The following KANSL1 variants were observed in gnomAD, a reference collection of about 807,000 sequenced individuals.
KANSL1 encodes MLL1/MLL complex subunit KANSL1.
A neutral mutation model predicts 103.6 loss-of-function variants in KANSL1; 22 were observed. The observed-to-expected ratio is 0.21, with a 90% confidence interval of 0.15 to 0.30. KANSL1 has a LOEUF of 0.30. Among genes scored for constraint, KANSL1 ranks in the 10% least tolerant of loss-of-function variants. KANSL1 has a pLI of 1.00. For missense variants in KANSL1, 1,337 were observed against 1,399.8 expected, an observed-to-expected ratio of 0.96 and a Z score of 0.72; for synonymous variants, 600 against 527.6, an observed-to-expected ratio of 1.14 and a Z score of -1.88.
chr17:46,089,689 C>T (rs1381377506), intron 3 of KANSL1, among the ~76,000 whole-genome samples: 3 of 151,630 alleles, frequency 2.0e-5, no homozygotes, highest in Admixed American at 2.0e-4. Flanking sequence ...ATTTCAGTAA[C>T]TAAAAAAAAA....
chr17:46,083,010 T>C (rs2079039929), intron 3 of KANSL1, among the ~76,000 whole-genome samples: 1 of 152,210 alleles, frequency 6.6e-6, no homozygotes, highest in African/African-American at 2.4e-5. Flanking sequence ...AACAGTCCCC[T>C]ACAATTTATG....
At chr17:46,119,534 T>A (rs574000085) in intron 2 of KANSL1, among the ~76,000 whole-genome samples, 11 of 152,302 alleles carry the variant, frequency 7.2e-5, no homozygotes, top group African/African-American at 2.2e-4. Context: ...CTCAAACTCC[T>A]GACCTCAAGA....
intron 1 of KANSL1, among the ~76,000 whole-genome samples, chr17:46,219,958 C>A (rs1463488853): frequency 1.3e-5 from 2 of 151,952 alleles, no homozygotes; most frequent in African/African-American, 4.8e-5. Flanking sequence ...AAAAAATTAG[C>A]CGGGCGTGGT....
intron 2 of KANSL1, among the ~76,000 whole-genome samples, chr17:46,125,832 G>A (rs1321043552): frequency 6.6e-6 from 1 of 152,032 alleles, no homozygotes; most frequent in Non-Finnish European, 1.5e-5. Flanking sequence ...AACCCCAAAA[G>A]GACAGAAAGA....
At chr17:46,110,934 T>C (rs1001978700) in intron 2 of KANSL1, among the ~76,000 whole-genome samples, 1 of 152,200 alleles carries the variant, frequency 6.6e-6, no homozygotes, top group African/African-American at 2.4e-5. Context: ...AACAGCAGTG[T>C]CACTAGGTAT....
intron 2 of KANSL1, among the ~76,000 whole-genome samples, chr17:46,146,482 G>T (rs527699703): frequency 6.6e-6 from 1 of 152,172 alleles, no homozygotes; most frequent in African/African-American, 2.4e-5. Context: ...GACTGCTCCT[G>T]CAAGGTAGGG....
At chr17:46,189,742 G>A (rs1295626951) in intron 1 of KANSL1, among the ~76,000 whole-genome samples, 1 of 151,948 alleles carries the variant, frequency 6.6e-6, no homozygotes, top group Non-Finnish European at 1.5e-5. Context: ...AAACTTAGCT[G>A]GGCATGGTGG....
intron 1 of KANSL1, chr17:46,223,160 C>CTT (rs990459206): frequency 5.3e-5 from 8 of 150,646 alleles, no homozygotes; most frequent in Non-Finnish European, 1.0e-4. Flanking sequence ...CAGGAGGACT[C>CTT]TGAAAGAGTC....
intron 2 of KANSL1, among the ~76,000 whole-genome samples, chr17:46,095,360 C>T (rs956492787): frequency 4.6e-5 from 7 of 152,144 alleles, no homozygotes; most frequent in Non-Finnish European, 7.4e-5. Context: ...AAAGGACCAA[C>T]AGCAAGAAAT....
chr17:46,105,666 C>T (rs12451441), intron 2 of KANSL1, among the ~76,000 whole-genome samples: 17 of 151,534 alleles, frequency 1.1e-4, no homozygotes, highest in Admixed American at 7.3e-4. Context: ...CTCAGGACTT[C>T]GAGACCAGCC....
intron 2 of KANSL1, among the ~76,000 whole-genome samples, chr17:46,097,304 G>C (rs1413011322): frequency 2.6e-5 from 4 of 152,270 alleles, no homozygotes; most frequent in Admixed American, 6.5e-5. Context: ...AGTAGTGAAG[G>C]AATTTGATGA....
chr17:46,115,185 G>A (rs1392722820), intron 2 of KANSL1, among the ~76,000 whole-genome samples: 5 of 151,974 alleles, frequency 3.3e-5, no homozygotes, highest in Non-Finnish European at 5.9e-5. Flanking sequence ...TCAGCCTCCC[G>A]TGTAGCTGGG....
At chr17:46,070,277 T>C (rs951118718) in intron 4 of KANSL1, among the ~76,000 whole-genome samples, 3 of 152,144 alleles carry the variant, frequency 2.0e-5, no homozygotes, top group African/African-American at 7.2e-5. Flanking sequence ...TCATAAAGGA[T>C]ATTTCTTCTC....
chr17:46,031,772 C>A, intron 14 of KANSL1, 69 bp from the exon 15 acceptor site: 1 of 1,405,412 alleles, frequency 7.1e-7, no homozygotes, highest in Non-Finnish European at 9.8e-7. Context: ...CAAGGCCCTG[C>A]CACAAACCTT....
intron 2 of KANSL1, among the ~76,000 whole-genome samples, chr17:46,150,796 T>C (rs1229433670): frequency 1.3e-5 from 2 of 152,234 alleles, no homozygotes; most frequent in Non-Finnish European, 2.9e-5. Flanking sequence ...TTCCTTATCT[T>C]GTGAAACAGA....
At chr17:46,167,261 A>G (rs2046051626) in intron 2 of KANSL1, among the ~76,000 whole-genome samples, 1 of 152,218 alleles carries the variant, frequency 6.6e-6, no homozygotes, top group African/African-American at 2.4e-5. Flanking sequence ...GGAATTAAAC[A>G]AAATTGCAGG....
intron 3 of KANSL1, among the ~76,000 whole-genome samples, chr17:46,090,606 G>A (rs1466743392): frequency 1.3e-5 from 2 of 152,156 alleles, no homozygotes; most frequent in Non-Finnish European, 2.9e-5. Flanking sequence ...GCAAAGCCAC[G>A]ATTAGAAACA....
intron 4 of KANSL1, among the ~76,000 whole-genome samples, chr17:46,068,643 A>C (rs2078467712): frequency 1.3e-5 from 2 of 152,024 alleles, no homozygotes; most frequent in South Asian, 2.1e-4. Flanking sequence ...AATCTCAATG[A>C]ATCTAATTAT....
chr17:46,056,035 G>T (rs974776983), intron 6 of KANSL1, among the ~76,000 whole-genome samples: 7 of 152,290 alleles, frequency 4.6e-5, no homozygotes, highest in African/African-American at 1.4e-4. Flanking sequence ...GTCTCGCTCT[G>T]TTGCCCAGGC....
Sources: gnomAD v4.1 joint callset for allele counts (sites outside exome capture counted in the v4.1 genomes callset) on GRCh38, gnomAD v4.1.1 for gene constraint, MANE v1.5 for transcripts, NCBI Gene and HGNC (gene_info 2026-07-23, HGNC 2026-07-21) for gene names.